SLC38A2: variants seen among roughly 807,000 people sequenced by gnomAD.
The protein encoded by SLC38A2 is solute carrier family 38 member 2, also known as sodium-coupled neutral amino acid symporter 2.
Under a neutral mutation model 61.5 loss-of-function variants are expected in SLC38A2, and 11 were observed. That is an observed-to-expected ratio of 0.18 (90% CI 0.11 to 0.30). The LOEUF (loss-of-function observed/expected upper bound fraction) is 0.30. Among genes scored for constraint, SLC38A2 ranks in the 10% least tolerant of loss-of-function variants. The pLI, the probability that SLC38A2 is intolerant of heterozygous loss-of-function variation, is 1.00. For synonymous variants in SLC38A2, 217 were observed against 212.5 expected (o/e 1.02, Z -0.18); for missense variants, 522 against 600.4 (o/e 0.87, Z 1.36).
Position 46,362,655 on chromosome 12 carries a change from T to C in SLC38A2, c.1180-17A>G. On this transcript the variant is annotated splice_polypyrimidine_tract_variant and intron_variant, in intron 13 of 15. Coordinates refer to ENST00000256689, the MANE Select transcript of SLC38A2 (RefSeq NM_018976.5). Reference sequence around the variant, plus strand: ...ACTCCGGATCTGCAAAAAAAATAAATAAAATGTATTTTAAAAATAGCAGCA... The same window carrying C: ...ACTCCGGATCTGCAAAAAAAATAAACAAAATGTATTTTAAAAATAGCAGCA... 6.4e-7 allele frequency: 1 copy of C among 1,551,848 alleles called. No homozygotes were observed. Among genetic ancestry groups the C allele is most frequent in the Non-Finnish European group, 8.6e-7 (1 of 1,162,364 alleles).
In SLC38A2 at chr12:46,371,369, CGCGAGTCGGCCT is replaced by C; in HGVS notation, c.-86-2_-77del. 8.3e-7 allele frequency: 1 copy of C among 1,203,400 alleles called. No homozygotes were observed. Among genetic ancestry groups the C allele is most frequent in the East Asian group, 2.4e-5 (1 of 42,206 alleles). The allele number at this position is 1,203,400 out of a possible 1,614,324, so 74.5% of individuals were successfully genotyped here. On this transcript the variant is annotated splice_acceptor_variant and 5_prime_UTR_variant, in exon 2 of 16. Transcript: ENST00000256689. LOFTEE classifies it low-confidence loss of function (5UTR_SPLICE). ...GTCCTTGGCGGTGGGTGCAGCGGCC[CGCGAGTCGGCCT>C]GCGAAAGTAGAGGCGGCGCGTCAGG...
In SLC38A2 at chr12:46,358,479, T is replaced by C. The variant is rs555874674; in HGVS notation, c.*2632A>G. ...TAAGAGATCTGAATTTGTACCAAGATTTCATGAAAAAATTTGATGTTGTTT... is the reference window on the plus strand; with the variant it reads ...TAAGAGATCTGAATTTGTACCAAGACTTCATGAAAAAATTTGATGTTGTTT... On this transcript the variant is annotated 3_prime_UTR_variant, in exon 16 of 16. Coordinates refer to ENST00000256689, the MANE Select transcript of SLC38A2 (RefSeq NM_018976.5). The C allele has an allele frequency of 2.4e-4, 36 of 152,774 alleles. No homozygotes were observed. Among genetic ancestry groups the C allele is most frequent in the African/African-American group, 8.4e-4 (35 of 41,592 alleles). 9.5% of individuals were successfully genotyped at this position (152,774 alleles called of 1,614,324 possible).
intron 2 of SLC38A2, 97 bp downstream of exon 2, chr12:46,371,081 C>A: frequency 9.4e-7 from 1 of 1,068,892 alleles, no homozygotes; most frequent in Non-Finnish European, 1.5e-6. Context: ...TCTCTAAATG[C>A]TATAGCAAAT....
chr12:46,358,766 G>T lies in SLC38A2; in HGVS notation c.*2345C>A, dbSNP rs1943049511. On this transcript the variant is annotated 3_prime_UTR_variant, in exon 16 of 16. Transcript: ENST00000256689. ...AGATTATCATAAATATTGAAAAATA[G>T]GTTAGCTTTAATGGATTAATGTTGT... 1.3e-5 allele frequency: 2 copies of T among 152,542 alleles called. No individual in the cohort carries two copies. The highest frequency in any genetic ancestry group is 4.8e-5 in the African/African-American group (2 of 41,424). 9.4% of individuals were successfully genotyped at this position (152,542 alleles called of 1,614,324 possible). A position where few individuals can be genotyped will look rare whatever the true frequency, so the allele number is the denominator to read the frequency against.
At chr12:46,372,421 C>T (rs1162559940) in intron 1 of SLC38A2, 88 bp downstream of exon 1, 4 of 349,434 alleles carry the variant, frequency 1.1e-5, no homozygotes. Context: ...CCGCGGCCGC[C>T]TTCCCGCGCG....
chr12:46,363,977 G>A lies in SLC38A2; in HGVS notation c.900C>T (p.Ile300=). 1.9e-6 allele frequency: 3 copies of A among 1,611,836 alleles called. No homozygotes were observed. The South Asian group carries it at 3.3e-5, about 18-fold the overall frequency. The stretch of plus-strand genomic sequence containing the variant: ...CAGCAGGATGACAGACAAATGAAAA[G>A]ATCAGAATTGGCACAGCATAGACAG... ...SQTVYAVPIL[I]FSFVCHPAVL... is the part of the protein sequence containing the mutation. Residue 300 remains isoleucine, a synonymous_variant, in exon 11 of 16, where the codon ATC becomes ATT. Transcript: ENST00000256689.
At chr12:46,371,784 T>C (rs1943205367) in intron 1 of SLC38A2, among the ~76,000 whole-genome samples, 1 of 152,130 alleles carries the variant, frequency 6.6e-6, no homozygotes, top group African/African-American at 2.4e-5. Flanking sequence ...CGGCTTTCCG[T>C]TTCTAGCATT....
chr12:46,363,862 C>G (rs1943110286), intron 11 of SLC38A2, 36 bp from the exon 12 acceptor site: 1 of 1,590,686 alleles, frequency 6.3e-7, no homozygotes, highest in East Asian at 2.2e-5. Context: ...ATATATATTT[C>G]AGCAGCAGTT....
chr12:46,372,736 T>C lies in SLC38A2; in HGVS notation c.-314A>G, dbSNP rs971130267. 12 of 398,336 alleles carry C rather than the reference T, an allele frequency of 3.0e-5. No individual in the cohort carries two copies. The highest frequency in any genetic ancestry group is 1.2e-4 in the African/African-American group (6 of 48,634). 24.7% of individuals were successfully genotyped at this position (398,336 alleles called of 1,614,324 possible). On this transcript the variant is annotated 5_prime_UTR_variant, in exon 1 of 16. Transcript: ENST00000256689. ...GTGGTCGGGCTGCTGCTAGCAGTAC[T>C]GGAAAGGCGTTCTAAGGCGGCGGCG...
chr12:46,367,328 T>C lies in SLC38A2; in HGVS notation c.327A>G (p.Thr109=), dbSNP rs775747763. The C allele has an allele frequency of 1.3e-6, 2 of 1,580,238 alleles. No homozygotes were observed. Among genetic ancestry groups the C allele is most frequent in the African/African-American group, 2.7e-5 (2 of 73,922 alleles). The stretch of plus-strand genomic sequence containing the variant: ...AATACAGGGAAAATATTGACACAAA[T>C]GTCAAGAGAATTCTGGTGAGAGAAG... ...TGIALFIILL[T]FVSIFSLYSV... Residue 109 remains threonine (T), a synonymous_variant, in exon 5 of 16, where the codon ACA becomes ACG. Transcript: ENST00000256689.
chr12:46,371,564 A>G, intron 1 of SLC38A2, 185 bp from the exon 2 acceptor site: 1 of 431,938 alleles, frequency 2.3e-6, no homozygotes, highest in Non-Finnish European at 4.1e-6. Flanking sequence ...CGCGGGGAGA[A>G]CAAAGATGAT....
rs1455511192 is a variant in SLC38A2, at chr12:46,359,115, A to G, written c.*1996T>C. ...AAAAAAAAAAAAAAAAGTCTGTAGAAACAACTCTTGGTATTCCCTGGCAGG... is the reference window on the plus strand; with the variant it reads ...AAAAAAAAAAAAAAAAGTCTGTAGAGACAACTCTTGGTATTCCCTGGCAGG... On this transcript the variant is annotated 3_prime_UTR_variant, in exon 16 of 16. Transcript: ENST00000256689. The G allele has an allele frequency of 6.6e-6, 1 of 152,302 alleles. No homozygotes were observed. Among genetic ancestry groups the G allele is most frequent in the Non-Finnish European group, 1.5e-5 (1 of 68,020 alleles). The allele number at this position is 152,302 out of a possible 1,614,324, so 9.4% of individuals were successfully genotyped here.
chr12:46,362,889 G>GC (rs1436815130), intron 13 of SLC38A2, 132 bp downstream of exon 13: 1 of 1,164,856 alleles, frequency 8.6e-7, no homozygotes, highest in African/African-American at 1.6e-5. Flanking sequence ...TTTTTAAAAA[G>GC]CCCCTTCAAA....
chr12:46,361,137 G>T lies in SLC38A2; in HGVS notation c.1495C>A (p.His499Asn). The T allele has an allele frequency of 6.2e-7, 1 of 1,613,464 alleles. No homozygotes were observed. Among genetic ancestry groups the T allele is most frequent in the Non-Finnish European group, 8.5e-7 (1 of 1,179,632 alleles). Residue 499 changes from histidine to asparagine, a missense_variant, in exon 16 of 16, where the codon CAC becomes AAC. His to Asn is a moderately conservative substitution (Grantham distance 68). This residue lies in a region of SLC38A2 where 309 missense variants were observed against 343.9 expected (regional missense o/e 0.90). Transcript: ENST00000256689. The part of the protein sequence containing the change: ...SMALIVLDWV[H>N]NAPGGGH ...TAATGGCCACCTCCAGGTGCATTGT[G>T]TACCCAATCCAAAACAATCAAGGCC...
chr12:46,370,366 A>AT (rs952498643), intron 4 of SLC38A2, 146 bp downstream of exon 4: 1 of 634,022 alleles, frequency 1.6e-6, no homozygotes, highest in South Asian at 2.0e-5. Context: ...GAATAAAGAG[A>AT]TTTTTTGGGG....
At chr12:46,366,237 G>C (rs1943137549) in intron 7 of SLC38A2, among the ~76,000 whole-genome samples, 1 of 152,164 alleles carries the variant, frequency 6.6e-6, no homozygotes, top group African/African-American at 2.4e-5. Flanking sequence ...GGACTTTGGA[G>C]TACCTGCACA....
chr12:46,366,906 G>A lies in SLC38A2; in HGVS notation c.521C>T (p.Pro174Leu). Residue 174 changes from proline (P) to leucine (L), a missense_variant, in exon 7 of 16, where the codon CCT (proline) becomes CTT (leucine). Physicochemically the swap from Pro to Leu is moderately conservative, Grantham distance 98. Around this residue, in one of 3 missense-constraint regions of SLC38A2, gnomAD observed 111 missense variants for 173.4 expected, o/e 0.64. Transcript: ENST00000256689. ...GTTCGTTAATGCCTGGATCACCAAA[G>A]GCAACTCATATTTCACTATGAAGAG... ...SYLFIVKYELPLVIQALTNIE... is the reference protein window; with the variant it reads ...SYLFIVKYELLLVIQALTNIE... The A allele has an allele frequency of 3.7e-6, 6 of 1,613,898 alleles. No homozygotes were observed. Among genetic ancestry groups the A allele is most frequent in the Non-Finnish European group, 5.1e-6 (6 of 1,179,956 alleles).
intron 15 of SLC38A2, 83 bp from the exon 16 acceptor site, chr12:46,361,292 T>A: frequency 9.1e-7 from 1 of 1,097,368 alleles, no homozygotes; most frequent in Non-Finnish European, 1.4e-6. Context: ...AAATGTGCTT[T>A]AATTACTAAA....
At chr12:46,362,456 T>G in intron 14 of SLC38A2, 38 bp downstream of exon 14, 1 of 1,594,442 alleles carries the variant, frequency 6.3e-7, no homozygotes, top group Non-Finnish European at 8.5e-7. Flanking sequence ...TTAAAATCCC[T>G]GATGTTTGAA....
Sources: gnomAD v4.1 joint callset for allele counts (sites outside exome capture counted in the v4.1 genomes callset) on GRCh38, gnomAD v4.1.1 for gene constraint, gnomAD v4.1.1 regional missense constraint, MANE v1.5 for transcripts, NCBI Gene and HGNC (gene_info 2026-07-23, HGNC 2026-07-21) for gene names.